Variants in MGLL observed in about 807,000 individuals in gnomAD.
MGLL encodes lysophospholipase homolog.
A neutral mutation model predicts 29.1 loss-of-function variants in MGLL; 7 were observed. That is an observed-to-expected ratio of 0.24 (90% CI 0.14 to 0.45). MGLL has a LOEUF of 0.45. MGLL is among the 20% of genes least tolerant of loss of function. The probability of loss-of-function intolerance (pLI) is 0.99; values close to 1 mark genes in which losing one functional copy is unlikely to be tolerated. For synonymous variants in MGLL, 148 were observed against 168.3 expected (o/e 0.88, Z 0.93); for missense variants, 356 against 413.6 (o/e 0.86, Z 1.21).
intron 3 of MGLL, among the ~76,000 whole-genome samples, chr3:127,772,005 G>T (rs796982325): frequency 6.6e-6 from 1 of 152,128 alleles, no homozygotes; most frequent in African/African-American, 2.4e-5. Context: ...GTCTCTCAGG[G>T]CATCTGAGCT....
At chr3:127,787,555 T>C (rs902481211) in intron 2 of MGLL, among the ~76,000 whole-genome samples, 5 of 152,300 alleles carry the variant, frequency 3.3e-5, no homozygotes, top group African/African-American at 1.2e-4. Flanking sequence ...AATATTTTGT[T>C]AGAGGAAATG....
intron 3 of MGLL, among the ~76,000 whole-genome samples, chr3:127,748,241 C>T (rs1023000162): frequency 2.0e-5 from 3 of 152,074 alleles, no homozygotes; most frequent in African/African-American, 4.8e-5. Flanking sequence ...CACAAAGAGG[C>T]GCCTGACACT....
At chr3:127,727,731 A>G (rs2076073992) in intron 3 of MGLL, among the ~76,000 whole-genome samples, 1 of 147,790 alleles carries the variant, frequency 6.8e-6, no homozygotes, top group African/African-American at 2.5e-5. Context: ...AAAAAAAAAC[A>G]GAGCAAGAAA....
chr3:127,717,014 G>T (rs1182120356), intron 5 of MGLL, among the ~76,000 whole-genome samples: 1 of 152,176 alleles, frequency 6.6e-6, no homozygotes, highest in Non-Finnish European at 1.5e-5. Context: ...CAGGAGGCTT[G>T]CTAGGAAGAC....
chr3:127,747,899 A>AG (rs1258411023), intron 3 of MGLL, among the ~76,000 whole-genome samples: 2 of 152,148 alleles, frequency 1.3e-5, no homozygotes, highest in Non-Finnish European at 2.9e-5. Context: ...ATCCTAGGGA[A>AG]GGGGGGTCCT....
At chr3:127,818,469 GA>G (rs2077799897) in intron 2 of MGLL, among the ~76,000 whole-genome samples, 1 of 151,864 alleles carries the variant, frequency 6.6e-6, no homozygotes, top group African/African-American at 2.4e-5. Context: ...TCTGTCTTCT[GA>G]GTTTCTGGGG....
chr3:127,754,501 G>A (rs1017729603), intron 3 of MGLL, among the ~76,000 whole-genome samples: 3 of 152,224 alleles, frequency 2.0e-5, no homozygotes, highest in African/African-American at 7.2e-5. Flanking sequence ...AACTGGATGA[G>A]TACTTGCAAC....
At position 127,748,142 on chromosome 3, in the gene MGLL, C is replaced by T. The variant is rs183666812; in HGVS notation, c.263-25576G>A. Among the ~76,000 whole-genome samples, 16 of 152,306 alleles carry T rather than the reference C, an allele frequency of 1.1e-4. No homozygotes were observed. The East Asian group carries it at 2.9e-3, about 28-fold the overall frequency. On this transcript the variant is annotated intron_variant, in intron 3 of 7. Transcript: ENST00000265052. ...ATATAAAACAACTTGCAACGCCCCT[C>T]ACTGGATCTGACTAACACGGGCAGG...
At chr3:127,794,507 AG>A (rs2077351733) in intron 2 of MGLL, among the ~76,000 whole-genome samples, 1 of 152,154 alleles carries the variant, frequency 6.6e-6, no homozygotes. Flanking sequence ...CTATGATGTA[AG>A]GCTGTCTTCT....
At chr3:127,741,322 G>C (rs958899481) in intron 3 of MGLL, among the ~76,000 whole-genome samples, 1 of 152,148 alleles carries the variant, frequency 6.6e-6, no homozygotes, top group Non-Finnish European at 1.5e-5. Context: ...ATGCTTTCTT[G>C]GGGGGGAAAG....
chr3:127,743,486 C>T (rs2076382770), intron 3 of MGLL, among the ~76,000 whole-genome samples: 1 of 149,250 alleles, frequency 6.7e-6, no homozygotes, highest in Admixed American at 6.7e-5. Flanking sequence ...GGAACCGCTT[C>T]CTTAGATGAA....
At chr3:127,746,680 T>C (rs1268545490) in intron 3 of MGLL, among the ~76,000 whole-genome samples, 3 of 152,124 alleles carry the variant, frequency 2.0e-5, no homozygotes, top group African/African-American at 7.2e-5. Flanking sequence ...TCCGTCTCCC[T>C]CTGCGTCCAC....
chr3:127,822,574 A>G, upstream of MGLL: 2 of 536,142 alleles, frequency 3.7e-6, no homozygotes, highest in Non-Finnish European at 6.6e-6. Context: ...CTACTAGTTC[A>G]TGTCATCACT....
At chr3:127,711,254 G>A (rs1348093478) in intron 5 of MGLL, 12 of 176,314 alleles carry the variant, frequency 6.8e-5, no homozygotes, top group Non-Finnish European at 1.1e-4. Flanking sequence ...TTTCCACATC[G>A]CTGAGCCTCC....
intron 3 of MGLL, 36 bp downstream of exon 3, chr3:127,781,753 G>C: frequency 6.3e-7 from 1 of 1,582,408 alleles, no homozygotes; most frequent in South Asian, 1.1e-5. Context: ...AATTGTCAGG[G>C]CCCAGCCAGC....
At chr3:127,732,777 G>A (rs964053653) in intron 3 of MGLL, among the ~76,000 whole-genome samples, 1 of 152,184 alleles carries the variant, frequency 6.6e-6, no homozygotes, top group African/African-American at 2.4e-5. Flanking sequence ...CTGGGCAGAG[G>A]CTAACCCTGG....
At chr3:127,708,272 T>A (rs1289646175) in intron 6 of MGLL, among the ~76,000 whole-genome samples, 1 of 152,224 alleles carries the variant, frequency 6.6e-6, no homozygotes, top group Admixed American at 6.5e-5. Context: ...AAAGGCGTGC[T>A]CTTGATTTTT....
chr3:127,807,711 G>C (rs949597082), intron 2 of MGLL, among the ~76,000 whole-genome samples: 1 of 140,096 alleles, frequency 7.1e-6, no homozygotes, highest in African/African-American at 2.7e-5. Flanking sequence ...GATGTTTTCT[G>C]ACCCCTACTC....
intron 3 of MGLL, among the ~76,000 whole-genome samples, chr3:127,768,441 C>G (rs72626391): frequency 0.12 from 18,397 of 152,248 alleles, 1,173 homozygotes; most frequent in Middle Eastern, 0.15. Flanking sequence ...AACCATCACA[C>G]CACACTGCCA....
Sources: gnomAD v4.1 joint callset for allele counts (sites outside exome capture counted in the v4.1 genomes callset) on GRCh38, gnomAD v4.1.1 for gene constraint, MANE v1.5 for transcripts, NCBI Gene and HGNC (gene_info 2026-07-23, HGNC 2026-07-21) for gene names.